Variants in CCSER2 observed in about 807,000 individuals in gnomAD.
The protein encoded by CCSER2 is coiled-coil serine rich protein 2.
A neutral mutation model predicts 92.3 loss-of-function variants in CCSER2; 46 were observed. That is an observed-to-expected ratio of 0.50 (90% CI 0.39 to 0.64). The LOEUF is 0.64. Ranked by LOEUF, CCSER2 falls within the 30% of genes least tolerant of loss-of-function variation. The pLI is 0.00. For missense variants in CCSER2, 1,244 were observed against 1,238.9 expected (o/e 1.00, Z -0.06); for synonymous variants, 433 against 431.4 (o/e 1.00, Z -0.04).
At chr10:84,509,305 C>T (rs78749320) in intron 9 of CCSER2, among the ~76,000 whole-genome samples, 35 of 152,228 alleles carry the variant, frequency 2.3e-4, no homozygotes, top group African/African-American at 8.2e-4. Flanking sequence ...TTTATTTATT[C>T]ACTTATTCAT....
rs1199423327 is a variant in CCSER2 at position 84,457,342 on chromosome 10, T to A, written c.2065-6591T>A. ...TATATTATATATAATATATTATATATTATATATAATATATATATTTATTTT... is the reference window on the plus strand; with the variant it reads ...TATATTATATATAATATATTATATAATATATATAATATATATATTTATTTT... On this transcript the variant is annotated intron_variant, in intron 6 of 9. Coordinates refer to ENST00000372088, the MANE Select transcript of CCSER2 (RefSeq NM_001284240.2). 6.3e-4 allele frequency among the ~76,000 whole-genome samples: 23 copies of A among 36,530 alleles called. No individual in the cohort carries two copies. The South Asian group carries it at 7.0e-3, about 11-fold the overall frequency. 24.0% of individuals were successfully genotyped at this position (36,530 alleles called of 152,430 possible).
chr10:84,375,640 A>G (rs1277015787), intron 3 of CCSER2, among the ~76,000 whole-genome samples: 1 of 149,128 alleles, frequency 6.7e-6, no homozygotes, highest in East Asian at 2.0e-4. Context: ...TCCAAATATT[A>G]ATATACCTTA....
At chr10:84,431,398 C>G (rs142182792) in intron 5 of CCSER2, among the ~76,000 whole-genome samples, 5 of 152,060 alleles carry the variant, frequency 3.3e-5, no homozygotes, top group African/African-American at 1.2e-4. Context: ...CTTTCACTTA[C>G]CAAAATACAT....
At chr10:84,412,962 T>C (rs1224191077) in intron 3 of CCSER2, among the ~76,000 whole-genome samples, 2 of 152,202 alleles carry the variant, frequency 1.3e-5, no homozygotes, top group African/African-American at 4.8e-5. Context: ...CTGATGATTG[T>C]TTCTATTTCT....
At position 84,438,640 on chromosome 10, in the gene CCSER2, G is replaced by A. The variant is rs1307708078; in HGVS notation, c.1997G>A (p.Arg666Gln). 6 of 1,613,610 alleles carry A rather than the reference G, an allele frequency of 3.7e-6. No individual in the cohort carries two copies. In the African/African-American group the frequency reaches 4.0e-5, roughly 11 times the overall value. The change falls in exon 6 of 10, where the codon CGG becomes CAG. Residue 666 changes from arginine to glutamine, a missense_variant. Physicochemically the swap from Arg to Gln is conservative, Grantham distance 43. Transcript: ENST00000372088. ...GTGATACTGGATGAGATGACCCTTC[G>A]GCACATGGTTCAGGATTGCACTGCT... ...NTVILDEMTL[R>Q]HMVQDCTAVK...
intron 3 of CCSER2, chr10:84,391,220 C>A: frequency 1.8e-6 from 2 of 1,123,774 alleles, no homozygotes; most frequent in South Asian, 1.2e-5. Flanking sequence ...GTGTAAGAGA[C>A]AATGAGGAAA....
At chr10:84,445,325 T>G (rs1018950346) in intron 6 of CCSER2, among the ~76,000 whole-genome samples, 13 of 152,134 alleles carry the variant, frequency 8.5e-5, no homozygotes, top group Middle Eastern at 3.2e-3. Flanking sequence ...AGCTAATTTT[T>G]TGTACTTTTA....
intron 9 of CCSER2, among the ~76,000 whole-genome samples, chr10:84,484,338 C>A (rs1274251789): frequency 6.6e-6 from 1 of 151,962 alleles, no homozygotes; most frequent in Admixed American, 6.6e-5. Flanking sequence ...GTCTTGAACT[C>A]CTGACCTCAG....
intron 7 of CCSER2, among the ~76,000 whole-genome samples, chr10:84,465,314 ATTTTTTTTTTTTTTT>A (rs34510394): frequency 6.0e-5 from 3 of 49,900 alleles, no homozygotes; most frequent in South Asian, 7.5e-4. Flanking sequence ...ACATGTAAAG[ATTTTTTTTTTTTTTT>A]TTTTTTTTTT....
chr10:84,365,545 A>G (rs1286001728), intron 1 of CCSER2, among the ~76,000 whole-genome samples: 1 of 152,240 alleles, frequency 6.6e-6, no homozygotes, highest in Non-Finnish European at 1.5e-5. Flanking sequence ...AATTATTTGT[A>G]CATTTAGAAA....
intron 3 of CCSER2, among the ~76,000 whole-genome samples, chr10:84,412,782 T>C (rs1033527286): frequency 3.3e-5 from 5 of 152,156 alleles, no homozygotes; most frequent in African/African-American, 1.2e-4. Context: ...CTTGAGATAA[T>C]GGGAGTGCTA....
At chr10:84,406,257 A>G (rs187150710) in intron 3 of CCSER2, among the ~76,000 whole-genome samples, 34 of 152,324 alleles carry the variant, frequency 2.2e-4, no homozygotes, top group African/African-American at 7.2e-4. Context: ...GACAGAAGGT[A>G]TGGATGGGAG....
chr10:84,441,825 C>T (rs1382259394), intron 6 of CCSER2, among the ~76,000 whole-genome samples: 1 of 131,750 alleles, frequency 7.6e-6, no homozygotes, highest in African/African-American at 2.9e-5. Context: ...GGCGCGATCT[C>T]GGCTCACTGC....
chr10:84,481,891 C>G (rs1847479607), intron 9 of CCSER2, among the ~76,000 whole-genome samples: 1 of 152,120 alleles, frequency 6.6e-6, no homozygotes, highest in Non-Finnish European at 1.5e-5. Flanking sequence ...ATACAACTTT[C>G]TGTGCTGTCC....
intron 3 of CCSER2, among the ~76,000 whole-genome samples, chr10:84,398,455 TGTA>T (rs1414306558): frequency 6.6e-6 from 1 of 152,216 alleles, no homozygotes; most frequent in Non-Finnish European, 1.5e-5. Context: ...CTGTTTTTAT[TGTA>T]GTAGAATTCT....
At chr10:84,512,413 A>AGAGAGAGAGAGAGGGG (rs1849409047) in intron 9 of CCSER2, among the ~76,000 whole-genome samples, 3 of 151,728 alleles carry the variant, frequency 2.0e-5, no homozygotes, top group Non-Finnish European at 2.9e-5. Context: ...AGAGAGAGAG[A>AGAGAGAGAGAGAGGGG]GAGGAGAGAG....
intron 3 of CCSER2, among the ~76,000 whole-genome samples, chr10:84,414,580 A>G (rs1051697527): frequency 1.4e-5 from 2 of 138,774 alleles, no homozygotes; most frequent in African/African-American, 5.3e-5. Flanking sequence ...TGCCCTTAAC[A>G]TTTTTTTTTT....
intron 8 of CCSER2, among the ~76,000 whole-genome samples, chr10:84,474,184 T>C (rs1302886406): frequency 6.6e-6 from 1 of 152,172 alleles, no homozygotes; most frequent in Non-Finnish European, 1.5e-5. Flanking sequence ...AAATTGCTAG[T>C]GTAGAATTTC....
chr10:84,463,547 C>T (rs1402033294), intron 6 of CCSER2, among the ~76,000 whole-genome samples: 1 of 152,132 alleles, frequency 6.6e-6, no homozygotes, highest in Non-Finnish European at 1.5e-5. Context: ...TTGTTTATGG[C>T]TCCTTGGTAC....
Sources: allele counts gnomAD v4.1 joint callset (sites outside exome capture counted in the v4.1 genomes callset), GRCh38; gene constraint gnomAD v4.1.1; transcripts MANE v1.5; gene names NCBI Gene and HGNC (gene_info 2026-07-23, HGNC 2026-07-21).